Variants in NOTCH2NLA observed in about 807,000 individuals in gnomAD.
NOTCH2NLA encodes notch homolog 2 N-terminal-like protein A.
chr1:146,185,657 G>A (rs1480800386), intron 2 of NOTCH2NLA, among the ~76,000 whole-genome samples: 1 of 130,440 alleles, frequency 7.7e-6, no homozygotes, highest in Admixed American at 8.2e-5. Context: ...TGAATCAGTA[G>A]CATTATGCTG....
At chr1:146,158,141 C>T (rs1363309655) in intron 3 of NOTCH2NLA, among the ~76,000 whole-genome samples, 1 of 151,980 alleles carries the variant, frequency 6.6e-6, no homozygotes, top group Non-Finnish European at 1.5e-5. Flanking sequence ...ATTTAAACTA[C>T]AGAGATAAGA....
intron 2 of NOTCH2NLA, among the ~76,000 whole-genome samples, chr1:146,174,609 C>T (rs1662170725): frequency 7.1e-6 from 1 of 141,728 alleles, no homozygotes; most frequent in Non-Finnish European, 1.6e-5. Flanking sequence ...TGCGTCGGCA[C>T]TGCAGCTGCT....
intron 2 of NOTCH2NLA, among the ~76,000 whole-genome samples, chr1:146,187,892 C>T (rs1456246331): frequency 1.5e-5 from 2 of 136,206 alleles, no homozygotes; most frequent in African/African-American, 5.0e-5. Flanking sequence ...CCATAATAAG[C>T]TACATAAAAC....
In NOTCH2NLA at chr1:146,195,047, C is replaced by CA. The variant is rs1448306370; in HGVS notation, c.-44-5667_-44-5666insT. On this transcript the variant is annotated intron_variant, in intron 1 of 4. Coordinates refer to ENST00000362074, the Ensembl canonical transcript of NOTCH2NLA. ...GGTTCTGGTCCTCACAGGGCCACCC[C>CA]CCCCCATCCTTGTAACACTCATGAC... Among the ~76,000 whole-genome samples the CA allele has an allele frequency of 3.6e-5, 4 of 109,850 alleles. 1 individual carries two copies. The highest frequency in any genetic ancestry group is 1.6e-4 in the African/African-American group (4 of 24,440). The allele number at this position is 109,850 out of a possible 152,430, so 72.1% of individuals were successfully genotyped here.
intron 3 of NOTCH2NLA, among the ~76,000 whole-genome samples, chr1:146,159,834 G>A (rs12022578): frequency 0.17 from 6,526 of 38,478 alleles, 337 homozygotes; most frequent in East Asian, 0.29. Context: ...CGGGCATGGC[G>A]GTAGGTGCCT....
At chr1:146,174,400 CTTTTTTTTTT>C (rs1209878010) in intron 2 of NOTCH2NLA, among the ~76,000 whole-genome samples, 1 of 95,810 alleles carries the variant, frequency 1.0e-5, no homozygotes, top group East Asian at 2.6e-4. Context: ...CTGTCTTTAG[CTTTTTTTTTT>C]TTTTTTTTTT....
chr1:146,158,098 G>A (rs1247108410), intron 3 of NOTCH2NLA, among the ~76,000 whole-genome samples: 13 of 151,330 alleles, frequency 8.6e-5, no homozygotes, highest in Admixed American at 3.3e-4. Flanking sequence ...CACATGGCTG[G>A]CTTTTTGTTG....
At chr1:146,174,630 G>C (rs1662172005) in intron 2 of NOTCH2NLA, among the ~76,000 whole-genome samples, 1 of 142,660 alleles carries the variant, frequency 7.0e-6, no homozygotes, top group East Asian at 1.9e-4. Flanking sequence ...CCTCATTAAA[G>C]CTCCTCTTTA....
chr1:146,158,050 GA>G (rs1553803260), intron 3 of NOTCH2NLA, among the ~76,000 whole-genome samples: 1 of 146,472 alleles, frequency 6.8e-6, no homozygotes, highest in African/African-American at 2.5e-5. Context: ...AAGAGAAAGA[GA>G]AAAAAATATC....
Position 146,200,436 on chromosome 1 carries a change from A to T in NOTCH2NLA, c.-44-11055T>A, listed in dbSNP as rs1217261652. ...AGACTCTGCCTGAGAAAAAAAAAAA[A>T]AAATATATATATATATATATATTCC... On this transcript the variant is annotated intron_variant, in intron 1 of 4. Transcript: ENST00000362074. Among the ~76,000 whole-genome samples, 3 of 22,206 alleles carry T rather than the reference A, an allele frequency of 1.4e-4. 1 individual carries two copies. The South Asian group carries it at 3.7e-3, about 27-fold the overall frequency. The allele number at this position is 22,206 out of a possible 152,430, so 14.6% of individuals were successfully genotyped here.
intron 2 of NOTCH2NLA, among the ~76,000 whole-genome samples, chr1:146,172,612 A>C (rs1270572786): frequency 6.6e-6 from 1 of 150,596 alleles, no homozygotes; most frequent in Non-Finnish European, 1.5e-5. Context: ...CCTTTCTTCC[A>C]CCCTTTTTTC....
At chr1:146,153,895 A>C (rs1271600058), downstream of NOTCH2NLA, 1 of 134,560 alleles carries the variant, frequency 7.4e-6, no homozygotes. Flanking sequence ...ATTCTCTTTA[A>C]ATTTCCTTCT....
At chr1:146,170,200 AC>A (rs1317150871) in intron 2 of NOTCH2NLA, among the ~76,000 whole-genome samples, 1 of 39,304 alleles carries the variant, frequency 2.5e-5, no homozygotes, top group Non-Finnish European at 6.0e-5. Flanking sequence ...CTAGGTATAT[AC>A]CCGAGATAAC....
intron 2 of NOTCH2NLA, among the ~76,000 whole-genome samples, chr1:146,175,565 A>G (rs1662219415): frequency 7.1e-6 from 1 of 140,104 alleles, no homozygotes; most frequent in Non-Finnish European, 1.6e-5. Context: ...CAAGTATACA[A>G]TCTCTCACTC....
intron 1 of NOTCH2NLA, chr1:146,228,285 GA>G (rs1483018116): frequency 1.2e-6 from 1 of 840,468 alleles, no homozygotes; most frequent in Admixed American, 6.2e-5. Context: ...CTCCACGCCA[GA>G]ATCTGGCATT....
chr1:146,194,801 G>A (rs1205410575), intron 1 of NOTCH2NLA, among the ~76,000 whole-genome samples: 3 of 101,076 alleles, frequency 3.0e-5, no homozygotes, highest in African/African-American at 4.4e-5. Flanking sequence ...CCAGATCAGA[G>A]CTTACCTTAC....
intron 2 of NOTCH2NLA, among the ~76,000 whole-genome samples, chr1:146,174,944 C>A (rs1553807833): frequency 8.6e-6 from 1 of 116,264 alleles, no homozygotes; most frequent in East Asian, 2.1e-4. Context: ...CCTACTCTGT[C>A]CCCCCTGTTA....
intron 1 of NOTCH2NLA, among the ~76,000 whole-genome samples, chr1:146,223,970 G>C (rs1664135549): frequency 7.0e-6 from 1 of 142,330 alleles, no homozygotes; most frequent in African/African-American, 2.6e-5. Context: ...GAAGAAATGT[G>C]TGTAGCACAG....
At chr1:146,228,066 TCTC>T (rs1351343858) in intron 1 of NOTCH2NLA, among the ~76,000 whole-genome samples, 4 of 129,520 alleles carry the variant, frequency 3.1e-5, no homozygotes, top group Non-Finnish European at 5.0e-5. Flanking sequence ...TTGCCCTACT[TCTC>T]CTGCCTCCAC....
Sources: gnomAD v4.1 joint callset for allele counts (sites outside exome capture counted in the v4.1 genomes callset) on GRCh38, gnomAD v4.1.1 for gene constraint, MANE v1.5 for transcripts, NCBI Gene and HGNC (gene_info 2026-07-23, HGNC 2026-07-21) for gene names.